Variants in RYR1 observed in about 807,000 individuals in gnomAD.
RYR1 encodes central core disease of muscle.
Under a neutral mutation model 583.5 loss-of-function variants are expected in RYR1, and 342 were observed. That is an observed-to-expected ratio of 0.59 (90% CI 0.54 to 0.64). The LOEUF (loss-of-function observed/expected upper bound fraction) is 0.64. Among genes scored for constraint, RYR1 ranks in the 30% least tolerant of loss-of-function variants. The pLI is 0.00. For missense variants in RYR1, 6,032 were observed against 6,917.2 expected, an observed-to-expected ratio of 0.87 and a Z score of 4.54; for synonymous variants, 2,791 against 2,822.5, an observed-to-expected ratio of 0.99 and a Z score of 0.35.
At chr19:38,452,135 A>AAG (rs1263966934) in intron 12 of RYR1, among the ~76,000 whole-genome samples, 1 of 150,532 alleles carries the variant, frequency 6.6e-6, no homozygotes, top group East Asian at 1.9e-4. Flanking sequence ...CCAAAAAAAA[A>AAG]AAAAAAAAAA....
In RYR1 at chr19:38,466,079, C is replaced by T; in HGVS notation, c.2871-12C>T. ...GAGGGCCTTGTCCCATGGAGCCCTA[C>T]CATGCCCGCAGGTATATGATGAGCA... On this transcript the variant is annotated splice_polypyrimidine_tract_variant and intron_variant, in intron 23 of 105. Transcript: ENST00000359596. The T allele has an allele frequency of 1.2e-6, 2 of 1,602,232 alleles. No individual in the cohort carries two copies. The highest frequency in any genetic ancestry group is 1.3e-5 in the African/African-American group (1 of 74,746).
intron 78 of RYR1, 58 bp from the exon 79 acceptor site, chr19:38,534,662 G>A: frequency 6.9e-7 from 1 of 1,457,170 alleles, no homozygotes; most frequent in Non-Finnish European, 9.5e-7. Flanking sequence ...GAATGTGAGG[G>A]GGAAAGGCTG....
chr19:38,438,266 C>A (rs576125145), intron 1 of RYR1, among the ~76,000 whole-genome samples: 1 of 152,158 alleles, frequency 6.6e-6, no homozygotes, highest in South Asian at 2.1e-4. Flanking sequence ...AAAAGCCACT[C>A]TCTTACATCA....
At chr19:38,473,325 G>C in intron 27 of RYR1, 52 bp from the exon 28 acceptor site, 1 of 1,609,880 alleles carries the variant, frequency 6.2e-7, no homozygotes, top group Non-Finnish European at 8.5e-7. Context: ...AGGACCAACG[G>C]CCTGGCCTAG....
At chr19:38,527,542 A>G in intron 72 of RYR1, 105 bp from the exon 73 acceptor site, 2 of 1,440,812 alleles carry the variant, frequency 1.4e-6, no homozygotes, top group Non-Finnish European at 1.9e-6. Context: ...GAAAGGCCTC[A>G]ACATGCACTC....
rs746938079 is a variant in RYR1, at chr19:38,523,924, A to G, written c.10450A>G (p.Ile3484Val). The G allele has an allele frequency of 5.0e-6, 8 of 1,613,786 alleles. No homozygotes were observed. The Admixed American group carries it at 6.7e-5, about 13-fold the overall frequency. Residue 3484 changes from isoleucine (I) to valine (V), a missense_variant, in exon 70 of 106, where the codon ATA becomes GTA. Physicochemically the swap from Ile to Val is conservative, Grantham distance 29. Around this residue, in one of 11 missense-constraint regions of RYR1, gnomAD observed 1,493 missense variants for 1,715.5 expected, o/e 0.87. Coordinates refer to ENST00000359596, the MANE Select transcript of RYR1 (RefSeq NM_000540.3). ...NKSKMAKAGD[I>V]QSGGSDQERT... The stretch of plus-strand genomic sequence containing the variant: ...CGGTCCGGTGAAGCAGGCGGGAGAT[A>G]TACAGGTCAGCCCCACATCTGGGAC...
In RYR1 at chr19:38,500,597, A is replaced by T. The variant is rs1284710450; in HGVS notation, c.7324-9A>T. 14 of 1,611,628 alleles carry T rather than the reference A, an allele frequency of 8.7e-6. No individual in the cohort carries two copies. The highest frequency in any genetic ancestry group is 1.1e-5 in the Non-Finnish European group (13 of 1,179,792). On this transcript the variant is annotated splice_polypyrimidine_tract_variant and intron_variant, in intron 45 of 105. Transcript: ENST00000359596. This position sits in a 1 kb window ranked among gnomAD's most constrained non-coding sequence, Gnocchi z 5.9. ...GATGAGTGCCCCTCTCCCTCCCTCTACTCCCCAGCTAATCCAAGCCGGCAA... is the reference window on the plus strand; with the variant it reads ...GATGAGTGCCCCTCTCCCTCCCTCTTCTCCCCAGCTAATCCAAGCCGGCAA...
rs141105911 is a variant in RYR1 at position 38,480,600 on chromosome 19, GA to G, written c.4620+2009del. On this transcript the variant is annotated intron_variant, in intron 31 of 105. Coordinates refer to ENST00000359596, the MANE Select transcript of RYR1 (RefSeq NM_000540.3). ...ACCACAATACCACTATCACCTAAAA[GA>G]AAAAAAAACAATAGTTTCTAAATAT... Among the ~76,000 whole-genome samples the G allele has an allele frequency of 6.0e-5, 9 of 149,672 alleles. No homozygotes were observed. The East Asian group carries it at 1.8e-3, about 29-fold the overall frequency.
intron 7 of RYR1, among the ~76,000 whole-genome samples, chr19:38,445,580 A>G (rs1000862473): frequency 1.3e-5 from 2 of 152,092 alleles, no homozygotes; most frequent in African/African-American, 2.4e-5. Context: ...AGACTCATCA[A>G]CTTCTAACTA....
chr19:38,563,205 T>G (rs1312452501), intron 90 of RYR1, among the ~76,000 whole-genome samples: 1 of 152,248 alleles, frequency 6.6e-6, no homozygotes, highest in Non-Finnish European at 1.5e-5. Flanking sequence ...TTCTCAGGCA[T>G]CCACGTATGC....
At chr19:38,578,086 C>G in intron 98 of RYR1, 38 bp downstream of exon 98, 1 of 1,613,616 alleles carries the variant, frequency 6.2e-7, no homozygotes, top group South Asian at 1.1e-5. Context: ...CTGGGGCATG[C>G]AGGGGAGGTG....
chr19:38,561,139 C>G lies in RYR1; in HGVS notation c.12309C>G (p.Ser4103Arg). 1.2e-6 allele frequency: 2 copies of G among 1,614,104 alleles called. No homozygotes were observed. Among genetic ancestry groups the G allele is most frequent in the Non-Finnish European group, 1.7e-6 (2 of 1,180,026 alleles). The change falls in exon 90 of 106, where the codon AGC becomes AGG. Residue 4103 changes from serine to arginine, a missense_variant. Ser to Arg is a moderately radical substitution (Grantham distance 110). Transcript: ENST00000359596. The surrounding 1 kb of genome is among the most constrained non-coding windows in gnomAD (Gnocchi z 4.8). ...CCATGGACAGCCAGAAGCAGTTCAG[C>G]GGTCCAGAAATCCAGTTCCTGCTTT... ...QKAMDSQKQF[S>R]GPEIQFLLSC... is the part of the protein sequence containing the mutation.
At chr19:38,513,306 C>T (rs1970811597) in intron 63 of RYR1, among the ~76,000 whole-genome samples, 1 of 152,014 alleles carries the variant, frequency 6.6e-6, no homozygotes. Context: ...CATTGCACGC[C>T]AGCCTGGGCA....
intron 67 of RYR1, among the ~76,000 whole-genome samples, chr19:38,522,022 T>A (rs2145699199): frequency 6.6e-6 from 1 of 152,242 alleles, no homozygotes; most frequent in Non-Finnish European, 1.5e-5. Flanking sequence ...GAAAAAATTT[T>A]AAAAAGTTTT....
intron 13 of RYR1, among the ~76,000 whole-genome samples, chr19:38,453,673 T>G (rs1380750134): frequency 1.3e-5 from 2 of 149,958 alleles, no homozygotes; most frequent in Admixed American, 6.7e-5. Flanking sequence ...GTAGGGAGTG[T>G]TGGGGTTTTG....
chr19:38,528,369 CG>C lies in RYR1; in HGVS notation c.10891del (p.Ala3631GlnfsTer8). On this transcript the variant is annotated frameshift_variant, in exon 74 of 106. Transcript: ENST00000359596. LOFTEE classifies it high-confidence loss of function. ...CAAGCTTTTGTCCAAACAGCGCCGG[CG>C]GGCAGTCGTGGCCTGTTTCCGTATG... ...WHKLLSKQRR[R>X]AVVACFRMTP... 6.2e-7 allele frequency: 1 copy of C among 1,614,060 alleles called. No individual in the cohort carries two copies. The highest frequency in any genetic ancestry group is 1.1e-5 in the South Asian group (1 of 91,082).
rs769056541 is a variant in RYR1, at chr19:38,512,213, C to T, written c.9234-32C>T. The T allele has an allele frequency of 1.9e-6, 3 of 1,614,034 alleles. No homozygotes were observed. The highest frequency in any genetic ancestry group is 1.3e-5 in the African/African-American group (1 of 75,050). The stretch of plus-strand genomic sequence containing the variant: ...CCCTGGTCTCCTAGACTCTCCGATT[C>T]CAGAGCTGATGTTCCCCCGCTGCCC... On this transcript the variant is annotated intron_variant, in intron 62 of 105. Coordinates refer to ENST00000359596, the MANE Select transcript of RYR1 (RefSeq NM_000540.3). This position sits in a 1 kb window ranked among gnomAD's most constrained non-coding sequence, Gnocchi z 5.1.
intron 23 of RYR1, 62 bp from the exon 24 acceptor site, chr19:38,466,029 T>A: frequency 6.7e-7 from 1 of 1,489,380 alleles, no homozygotes; most frequent in South Asian, 1.2e-5. Context: ...GGATCCCATA[T>A]AGTGCAGAGC....
chr19:38,568,426 G>A (rs1423437198), intron 93 of RYR1, among the ~76,000 whole-genome samples: 1 of 151,968 alleles, frequency 6.6e-6, no homozygotes, highest in Non-Finnish European at 1.5e-5. Flanking sequence ...TCCCCTCCAG[G>A]CCTGGCCCGA....
Sources: gnomAD v4.1 joint callset for allele counts (sites outside exome capture counted in the v4.1 genomes callset) on GRCh38, gnomAD v4.1.1 for gene constraint, gnomAD v4.1.1 regional missense constraint, Gnocchi (gnomAD v3.1) non-coding constraint, MANE v1.5 for transcripts, NCBI Gene and HGNC (gene_info 2026-07-23, HGNC 2026-07-21) for gene names.